The following FDCSP variants were observed in gnomAD, a reference collection of about 807,000 sequenced individuals.
FDCSP encodes the protein follicular dendritic cell secreted protein, also known as follicular dendritic cell secreted peptide.
In FDCSP, 8 loss-of-function variants were observed where a neutral mutation model predicts 8.9. That is an observed-to-expected ratio of 0.90 (90% CI 0.53 to 1.63). FDCSP has a LOEUF of 1.63. Ranked by LOEUF, FDCSP falls within the 40% of genes most tolerant of loss-of-function variation. The pLI is 0.00. For synonymous variants in FDCSP, 34 were observed against 34.5 expected, an observed-to-expected ratio of 0.98 and a Z score of 0.06; for missense variants, 101 against 103.6, an observed-to-expected ratio of 0.98 and a Z score of 0.11.
chr4:70,232,904 A>G (rs760385177), intron 2 of FDCSP, 90 bp from the exon 3 acceptor site: 2 of 1,044,798 alleles, frequency 1.9e-6, no homozygotes, highest in Admixed American at 2.6e-5. Flanking sequence ...ATGAAACAAT[A>G]TTAGGTAATA....
At chr4:70,231,298 A>G in intron 2 of FDCSP, 47 bp downstream of exon 2, 1 of 1,433,464 alleles carries the variant, frequency 7.0e-7, no homozygotes, top group Middle Eastern at 1.8e-4. Flanking sequence ...ATGGCCATGT[A>G]TGGCATATTT....
At chr4:70,229,318 G>A (rs1730041439) in intron 1 of FDCSP, among the ~76,000 whole-genome samples, 1 of 151,734 alleles carries the variant, frequency 6.6e-6, no homozygotes, top group Admixed American at 6.6e-5. Flanking sequence ...TTAATAAAAT[G>A]TGCTGGCTGG....
intron 1 of FDCSP, among the ~76,000 whole-genome samples, chr4:70,229,278 T>C (rs1219962436): frequency 1.3e-5 from 2 of 151,738 alleles, no homozygotes; most frequent in African/African-American, 4.8e-5. Flanking sequence ...TTAAAGAGCA[T>C]AGGGGCCTTC....
At chr4:70,228,042 A>G (rs1167109800) in intron 1 of FDCSP, among the ~76,000 whole-genome samples, 1 of 151,718 alleles carries the variant, frequency 6.6e-6, no homozygotes, top group Non-Finnish European at 1.5e-5. Context: ...TGACACACAG[A>G]TTGACTCTTC....
At chr4:70,229,074 C>A (rs1035889524) in intron 1 of FDCSP, among the ~76,000 whole-genome samples, 3 of 151,748 alleles carry the variant, frequency 2.0e-5, no homozygotes, top group Admixed American at 1.3e-4. Flanking sequence ...GTATCTTTCT[C>A]CAAAATAAGA....
intron 1 of FDCSP, 72 bp downstream of exon 1, chr4:70,226,254 C>T (rs1729983377): frequency 6.6e-6 from 1 of 151,902 alleles, no homozygotes; most frequent in Non-Finnish European, 1.5e-5. Flanking sequence ...TATATAGCAT[C>T]TCTCCATATA....
At chr4:70,230,716 T>C (rs1296605942) in intron 1 of FDCSP, among the ~76,000 whole-genome samples, 1 of 151,680 alleles carries the variant, frequency 6.6e-6, no homozygotes, top group Non-Finnish European at 1.5e-5. Context: ...ATTACTTTCA[T>C]GGACATTAGT....
intron 2 of FDCSP, 93 bp downstream of exon 2, chr4:70,231,344 CA>C: frequency 9.7e-7 from 1 of 1,029,980 alleles, no homozygotes; most frequent in South Asian, 1.6e-5. Context: ...AGGGTGGTCC[CA>C]AAAGATTATA....
At chr4:70,226,491 G>A (rs1055110984) in intron 1 of FDCSP, among the ~76,000 whole-genome samples, 1 of 151,728 alleles carries the variant, frequency 6.6e-6, no homozygotes, top group African/African-American at 2.4e-5. Flanking sequence ...AAACAACAGA[G>A]CCTCAGGTTT....
At chr4:70,232,763 G>A (rs1168322910) in intron 2 of FDCSP, among the ~76,000 whole-genome samples, 2 of 151,580 alleles carry the variant, frequency 1.3e-5, no homozygotes, top group African/African-American at 4.8e-5. Flanking sequence ...ACTGTTCAGT[G>A]CATAATTCAG....
chr4:70,231,579 G>T (rs1433458300), intron 2 of FDCSP, among the ~76,000 whole-genome samples: 1 of 151,608 alleles, frequency 6.6e-6, no homozygotes, highest in African/African-American at 2.4e-5. Flanking sequence ...AGATGATGCT[G>T]GTGTAAACAA....
chr4:70,231,376 G>C (rs1439756957), intron 2 of FDCSP, 125 bp downstream of exon 2: 1 of 690,482 alleles, frequency 1.4e-6, no homozygotes, highest in South Asian at 2.7e-5. Context: ...CAAGTGCAGT[G>C]GCTTACGCCT....
At chr4:70,233,873 CATA>C (rs1560493011) in intron 3 of FDCSP, 144 bp from the exon 4 acceptor site, 5 of 643,420 alleles carry the variant, frequency 7.8e-6, no homozygotes, top group Non-Finnish European at 1.3e-5. Flanking sequence ...ACTCCCTGTC[CATA>C]GTACACACAG....
At chr4:70,232,061 G>A (rs1730093043) in intron 2 of FDCSP, among the ~76,000 whole-genome samples, 2 of 151,756 alleles carry the variant, frequency 1.3e-5, no homozygotes, top group African/African-American at 4.8e-5. Context: ...TTACAAAAGA[G>A]TTAAAGTAAA....
intron 4 of FDCSP, 142 bp downstream of exon 4, chr4:70,234,357 A>T (rs750897532): frequency 4.0e-5 from 26 of 657,220 alleles, no homozygotes; most frequent in Non-Finnish European, 6.5e-5. Context: ...TCTGGTAGAT[A>T]CTGTCACGTG....
chr4:70,226,945 G>A (rs1243612243), intron 1 of FDCSP, among the ~76,000 whole-genome samples: 1 of 151,868 alleles, frequency 6.6e-6, no homozygotes, highest in African/African-American at 2.4e-5. Flanking sequence ...AAATTATATT[G>A]TAAAGGCCCT....
chr4:70,228,789 G>GA (rs112023387), intron 1 of FDCSP, among the ~76,000 whole-genome samples: 30 of 151,582 alleles, frequency 2.0e-4, no homozygotes, highest in African/African-American at 6.3e-4. Flanking sequence ...GCAATATTTT[G>GA]AAAAAAACAT....
intron 1 of FDCSP, among the ~76,000 whole-genome samples, chr4:70,229,561 C>G (rs2109684196): frequency 6.6e-6 from 1 of 151,818 alleles, no homozygotes; most frequent in South Asian, 2.1e-4. Context: ...AAGTAGGAGA[C>G]ATGCGACTCT....
At chr4:70,227,900 T>C (rs1044963687) in intron 1 of FDCSP, among the ~76,000 whole-genome samples, 10 of 151,850 alleles carry the variant, frequency 6.6e-5, no homozygotes, top group Non-Finnish European at 1.5e-4. Context: ...ATCTCAGTCT[T>C]CACTGAGTCA....
Sources: gnomAD v4.1 joint callset for allele counts (sites outside exome capture counted in the v4.1 genomes callset) on GRCh38, gnomAD v4.1.1 for gene constraint, MANE v1.5 for transcripts, NCBI Gene and HGNC (gene_info 2026-07-23, HGNC 2026-07-21) for gene names.